The following GADL1 variants were observed in gnomAD, a reference collection of about 807,000 sequenced individuals.
GADL1 encodes the protein acidic amino acid decarboxylase GADL1.
A neutral mutation model predicts 69.5 loss-of-function variants in GADL1; 71 were observed. That is an observed-to-expected ratio of 1.02 (90% CI 0.84 to 1.25). The LOEUF is 1.25. Ranked by LOEUF, GADL1 falls within the 50% of genes most tolerant of loss-of-function variation. The pLI, the probability that GADL1 is intolerant of heterozygous loss-of-function variation, is 0.00. For missense variants in GADL1, 737 were observed against 631.8 expected, an observed-to-expected ratio of 1.17 and a Z score of -1.79; for synonymous variants, 254 against 214.4, an observed-to-expected ratio of 1.18 and a Z score of -1.62.
intron 14 of GADL1, among the ~76,000 whole-genome samples, chr3:30,765,747 GAC>G (rs1696261448): frequency 2.0e-5 from 3 of 152,308 alleles, no homozygotes; most frequent in African/African-American, 7.2e-5. Flanking sequence ...ACCCTAATGT[GAC>G]ACATTGTCCC....
chr3:30,745,456 C>T (rs1695688418), intron 14 of GADL1, among the ~76,000 whole-genome samples: 1 of 152,076 alleles, frequency 6.6e-6, no homozygotes, highest in Non-Finnish European at 1.5e-5. Context: ...ATCTGTGTTC[C>T]ACACCCAAAT....
At chr3:30,885,349 T>C (rs1698689169) in intron 1 of GADL1, among the ~76,000 whole-genome samples, 1 of 152,114 alleles carries the variant, frequency 6.6e-6, no homozygotes, top group Non-Finnish European at 1.5e-5. Flanking sequence ...TAGATTCCAA[T>C]GTAAGAATTT....
At chr3:30,873,077 G>A (rs1303100773) in intron 1 of GADL1, among the ~76,000 whole-genome samples, 1 of 151,852 alleles carries the variant, frequency 6.6e-6, no homozygotes, top group African/African-American at 2.4e-5. Context: ...AAAGAGTCCA[G>A]GGCAGTGCTG....
Position 30,806,922 on chromosome 3 carries a change from C to A in GADL1, c.1051-5834G>T, listed in dbSNP as rs548403867. Among the ~76,000 whole-genome samples the A allele has an allele frequency of 2.0e-3, 298 of 152,318 alleles. 3 individuals are homozygous for A. Among genetic ancestry groups the A allele is most frequent in the African/African-American group, 6.7e-3 (279 of 41,562 alleles). On this transcript the variant is annotated intron_variant, in intron 11 of 14. Transcript: ENST00000282538. ...TCCAAGGCTCCTACAGATATTACAACTTAAAACTTCATTACTAATCTGGCA... is the reference window on the plus strand; with the variant it reads ...TCCAAGGCTCCTACAGATATTACAAATTAAAACTTCATTACTAATCTGGCA...
intron 14 of GADL1, among the ~76,000 whole-genome samples, chr3:30,743,741 A>T (rs73056860): frequency 0.1 from 15,547 of 152,138 alleles, 905 homozygotes; most frequent in East Asian, 0.23. Flanking sequence ...AATAAATTTT[A>T]TTATTGTTCT....
chr3:30,814,249 G>GT (rs546742478), intron 11 of GADL1, among the ~76,000 whole-genome samples: 226 of 152,242 alleles, frequency 1.5e-3, no homozygotes, highest in African/African-American at 5.2e-3. Context: ...ATCTTGCTGG[G>GT]TTTCAAGGTC....
intron 14 of GADL1, among the ~76,000 whole-genome samples, chr3:30,777,503 G>C (rs1696564267): frequency 6.6e-6 from 1 of 152,180 alleles, no homozygotes; most frequent in South Asian, 2.1e-4. Flanking sequence ...GGATCAAGTA[G>C]TGTTACTCAC....
At chr3:30,799,859 CTGTT>C (rs1189948044) in intron 12 of GADL1, 1 of 152,318 alleles carries the variant, frequency 6.6e-6, no homozygotes, top group Non-Finnish European at 1.5e-5. Context: ...TGCCGCCAGT[CTGTT>C]TGCTAAAACG....
At chr3:30,791,988 C>A (rs1696931171) in intron 12 of GADL1, among the ~76,000 whole-genome samples, 1 of 152,122 alleles carries the variant, frequency 6.6e-6, no homozygotes, top group Non-Finnish European at 1.5e-5. Flanking sequence ...GAACTGTGAG[C>A]CCACTGAACC....
chr3:30,766,243 T>TGA (rs1457785401), intron 14 of GADL1, among the ~76,000 whole-genome samples: 1 of 152,082 alleles, frequency 6.6e-6, no homozygotes, highest in Non-Finnish European at 1.5e-5. Context: ...GCATCAGGGA[T>TGA]GAAAGCAGAG....
At chr3:30,833,399 C>A (rs1354955179) in intron 11 of GADL1, among the ~76,000 whole-genome samples, 3 of 152,050 alleles carry the variant, frequency 2.0e-5, no homozygotes, top group Admixed American at 6.6e-5. Context: ...CAGCCCTGAA[C>A]AAATGTCTTC....
In GADL1 at chr3:30,730,308, C is replaced by CA. The variant is rs1165291650; in HGVS notation, c.1393-1894dup. On this transcript the variant is annotated intron_variant, in intron 14 of 14. Transcript: ENST00000282538. ...ATGTAAAACAAAGATAGATGAGTGC[C>CA]AAAAAAAGTGATTTTTGTAAAAACT... Among the ~76,000 whole-genome samples, 4 of 151,938 alleles carry CA rather than the reference C, an allele frequency of 2.6e-5. No homozygotes were observed. The South Asian group carries it at 6.2e-4, about 24-fold the overall frequency.
intron 14 of GADL1, among the ~76,000 whole-genome samples, chr3:30,765,674 AC>A (rs1696259565): frequency 6.6e-6 from 1 of 152,172 alleles, no homozygotes; most frequent in Non-Finnish European, 1.5e-5. Flanking sequence ...AAGGAGCCCC[AC>A]ATTTTTATTT....
intron 14 of GADL1, among the ~76,000 whole-genome samples, chr3:30,759,898 G>A (rs1006018451): frequency 1.6e-4 from 25 of 152,130 alleles, no homozygotes; most frequent in African/African-American, 5.8e-4. Flanking sequence ...TATGCAGGTG[G>A]ACTTGTGCTC....
At chr3:30,771,921 C>CA (rs1696427650) in intron 14 of GADL1, among the ~76,000 whole-genome samples, 2 of 152,122 alleles carry the variant, frequency 1.3e-5, no homozygotes, top group Non-Finnish European at 2.9e-5. Flanking sequence ...ATTAGACATG[C>CA]AAAAAGACAT....
intron 7 of GADL1, 53 bp from the exon 8 acceptor site, chr3:30,844,317 T>A: frequency 6.4e-7 from 1 of 1,560,966 alleles, no homozygotes. Flanking sequence ...TAACAGATAA[T>A]GATACTGCTT....
At chr3:30,858,640 G>C (rs371202200) in intron 2 of GADL1, among the ~76,000 whole-genome samples, 2 of 151,922 alleles carry the variant, frequency 1.3e-5, no homozygotes, top group East Asian at 3.9e-4. Flanking sequence ...GATCTGGTTG[G>C]GGTGGTGTGG....
intron 13 of GADL1, among the ~76,000 whole-genome samples, chr3:30,780,703 A>G (rs1218809877): frequency 6.6e-6 from 1 of 152,170 alleles, no homozygotes; most frequent in Non-Finnish European, 1.5e-5. Flanking sequence ...GCCCAAACAG[A>G]AACTTACTAA....
intron 14 of GADL1, among the ~76,000 whole-genome samples, chr3:30,774,342 C>CT (rs1360691577): frequency 2.0e-5 from 3 of 152,142 alleles, no homozygotes; most frequent in Non-Finnish European, 4.4e-5. Flanking sequence ...TATTCAAGCG[C>CT]AGAACCTAAC....
Sources: gnomAD v4.1 joint callset for allele counts (sites outside exome capture counted in the v4.1 genomes callset) on GRCh38, gnomAD v4.1.1 for gene constraint, MANE v1.5 for transcripts, NCBI Gene and HGNC (gene_info 2026-07-23, HGNC 2026-07-21) for gene names.